PRICKLE1: variants seen among roughly 807,000 people sequenced by gnomAD.
PRICKLE1 encodes the protein prickle planar cell polarity protein 1.
PRICKLE1 carries 14 observed loss-of-function variants against 70.2 expected under a neutral mutation model. The observed-to-expected ratio is 0.20, with a 90% confidence interval of 0.13 to 0.31. PRICKLE1 has a LOEUF of 0.31. Among genes scored for constraint, PRICKLE1 ranks in the 10% least tolerant of loss-of-function variants. PRICKLE1 has a pLI of 1.00. For missense variants in PRICKLE1, 821 were observed against 1,026.2 expected (o/e 0.80, Z 2.73); for synonymous variants, 357 against 379.9 (o/e 0.94, Z 0.70).
intron 1 of PRICKLE1, among the ~76,000 whole-genome samples, chr12:42,546,847 G>A (rs1416945833): frequency 1.3e-5 from 2 of 152,208 alleles, no homozygotes; most frequent in Non-Finnish European, 2.9e-5. Context: ...GCTGAATTAT[G>A]CAGTTTTGTG....
In PRICKLE1 at chr12:42,466,236, A is replaced by C; in HGVS notation, c.733T>G (p.Ser245Ala). Reference sequence around the variant, plus strand: ...GTTTCACAGTACTCCGCATAGAGAGACTCAAAACAGCCACAGCAGAAGGGG... The same window carrying C: ...GTTTCACAGTACTCCGCATAGAGAGCCTCAAAACAGCCACAGCAGAAGGGG... ...GRPFCCGCFE[S>A]LYAEYCETCG... The change falls in exon 6 of 8, where the codon TCT becomes GCT. Residue 245 changes from serine (S) to alanine (A), a missense_variant. Physicochemically the swap from Ser to Ala is moderately conservative, Grantham distance 99. Coordinates refer to ENST00000345127, the MANE Select transcript of PRICKLE1 (RefSeq NM_153026.3). 1 of 1,614,154 alleles carries C rather than the reference A, an allele frequency of 6.2e-7. No homozygotes were observed. Among genetic ancestry groups the C allele is most frequent in the Non-Finnish European group, 8.5e-7 (1 of 1,180,032 alleles).
At chr12:42,503,881 A>T (rs1215004860) in intron 1 of PRICKLE1, among the ~76,000 whole-genome samples, 1 of 152,158 alleles carries the variant, frequency 6.6e-6, no homozygotes, top group East Asian at 1.9e-4. Context: ...CCCATCATGA[A>T]TCTGCCTATA....
At chr12:42,514,752 G>A (rs945427985) in intron 1 of PRICKLE1, among the ~76,000 whole-genome samples, 5 of 151,752 alleles carry the variant, frequency 3.3e-5, no homozygotes, top group African/African-American at 1.2e-4. Context: ...GTCCTAAAAG[G>A]CTTGTTTTGA....
intron 1 of PRICKLE1, among the ~76,000 whole-genome samples, chr12:42,577,337 AC>A (rs1402435271): frequency 6.6e-6 from 1 of 152,086 alleles, no homozygotes; most frequent in African/African-American, 2.4e-5. Flanking sequence ...TCTAAGGTAA[AC>A]TATAAACCAG....
At chr12:42,479,622 G>C (rs1261218586) in intron 1 of PRICKLE1, among the ~76,000 whole-genome samples, 1 of 152,088 alleles carries the variant, frequency 6.6e-6, no homozygotes, top group Non-Finnish European at 1.5e-5. Flanking sequence ...ATGCCAAAAG[G>C]AGCCAACTGA....
At position 42,467,160 on chromosome 12, in the gene PRICKLE1, C is replaced by G. The variant is rs181329836; in HGVS notation, c.589-780G>C. On this transcript the variant is annotated intron_variant, in intron 5 of 7. Transcript: ENST00000345127. ...GAGACAGAGTCTCGCTCTGTCACCA[C>G]GCTGGAGTGCAATGGCGTGACCTCG... Among the ~76,000 whole-genome samples the G allele has an allele frequency of 8.2e-4, 125 of 151,952 alleles. 1 individual carries two copies. The highest frequency in any genetic ancestry group is 2.9e-3 in the African/African-American group (120 of 41,450).
rs1394787819 is a variant in PRICKLE1, at chr12:42,460,443, C to T, written c.1862G>A (p.Arg621Lys). Residue 621 changes from arginine to lysine, a missense_variant, in exon 8 of 8, where the codon AGG becomes AAG. Transcript: ENST00000345127. Reference protein sequence around the residue: ...EKPVHLPVLRRSKSQSRPQQV... With the variant: ...EKPVHLPVLRKSKSQSRPQQV... ...CTGGGGTCTGGATTGAGACTTGGAC[C>T]TTCTGAGCACTGGCAGATGTACTGG... 6.2e-7 allele frequency: 1 copy of T among 1,614,044 alleles called. No individual in the cohort carries two copies. The highest frequency in any genetic ancestry group is 1.7e-5 in the Admixed American group (1 of 60,008).
At chr12:42,534,512 A>G (rs1318302120) in intron 1 of PRICKLE1, among the ~76,000 whole-genome samples, 2 of 152,218 alleles carry the variant, frequency 1.3e-5, no homozygotes, top group Non-Finnish European at 2.9e-5. Flanking sequence ...AAAATGCATT[A>G]AGCACTTTTG....
intron 1 of PRICKLE1, among the ~76,000 whole-genome samples, chr12:42,533,833 T>C (rs1939968292): frequency 6.6e-6 from 1 of 152,166 alleles, no homozygotes; most frequent in African/African-American, 2.4e-5. Flanking sequence ...TCTGACACTC[T>C]TCATCTTGTG....
rs886049380 is a variant in PRICKLE1, at chr12:42,589,692, C to CGGG, written c.-279_-277dup. The CGGG allele has an allele frequency of 5.9e-5, 9 of 151,294 alleles. No homozygotes were observed. Among genetic ancestry groups the CGGG allele is most frequent in the Non-Finnish European group, 1.0e-4 (7 of 67,742 alleles). 9.4% of individuals were successfully genotyped at this position (151,294 alleles called of 1,614,324 possible). On this transcript the variant is annotated 5_prime_UTR_variant, in exon 1 of 8. Coordinates refer to ENST00000345127, the MANE Select transcript of PRICKLE1 (RefSeq NM_153026.3). The surrounding 1 kb of genome is among the most constrained non-coding windows in gnomAD (Gnocchi z 5.0). ...GGCTGGCATGTTCCGGGCGCGCTGT[C>CGGG]GGGCGGCGGCGGCCGCGGGAGACGG...
chr12:42,492,303 C>A (rs1308134358), intron 1 of PRICKLE1, among the ~76,000 whole-genome samples: 1 of 152,148 alleles, frequency 6.6e-6, no homozygotes, highest in Non-Finnish European at 1.5e-5. Flanking sequence ...TGCTTTGTTT[C>A]ATGAACTATG....
chr12:42,548,596 C>G (rs1364314589), intron 1 of PRICKLE1, among the ~76,000 whole-genome samples: 1 of 152,158 alleles, frequency 6.6e-6, no homozygotes, highest in East Asian at 1.9e-4. Context: ...ATAAACACTA[C>G]AGGAGTTCCG....
intron 1 of PRICKLE1, among the ~76,000 whole-genome samples, chr12:42,554,342 T>G (rs970196931): frequency 4.6e-5 from 7 of 151,908 alleles, no homozygotes; most frequent in African/African-American, 1.7e-4. Context: ...TACAAATGAC[T>G]AAAAAAAGGA....
intron 1 of PRICKLE1, among the ~76,000 whole-genome samples, chr12:42,475,764 C>T (rs1373686288): frequency 6.6e-6 from 1 of 151,974 alleles, no homozygotes; most frequent in Non-Finnish European, 1.5e-5. Flanking sequence ...AAACCATTCA[C>T]TCGCAAGTTC....
chr12:42,571,613 CG>C (rs1940714924), intron 1 of PRICKLE1, among the ~76,000 whole-genome samples: 1 of 152,190 alleles, frequency 6.6e-6, no homozygotes, highest in Non-Finnish European at 1.5e-5. Context: ...ACCTGATGGA[CG>C]GGAGCTTACG....
intron 4 of PRICKLE1, among the ~76,000 whole-genome samples, 153 bp downstream of exon 4, chr12:42,469,297 G>A (rs1938222638): frequency 6.6e-6 from 1 of 152,164 alleles, no homozygotes; most frequent in Admixed American, 6.5e-5. Context: ...TATGAAACAT[G>A]ATTTGCTATT....
At chr12:42,528,103 C>T (rs1939846790) in intron 1 of PRICKLE1, among the ~76,000 whole-genome samples, 1 of 151,902 alleles carries the variant, frequency 6.6e-6, no homozygotes, top group African/African-American at 2.4e-5. Flanking sequence ...TTATTTGAGA[C>T]AGAGTATTGC....
At chr12:42,537,001 GT>G (rs1347992211) in intron 1 of PRICKLE1, among the ~76,000 whole-genome samples, 1 of 152,168 alleles carries the variant, frequency 6.6e-6, no homozygotes, top group Non-Finnish European at 1.5e-5. Flanking sequence ...CTATAGAGTT[GT>G]TTTGGCTCCT....
intron 1 of PRICKLE1, among the ~76,000 whole-genome samples, chr12:42,477,827 G>C (rs1037457017): frequency 6.6e-6 from 1 of 152,048 alleles, no homozygotes; most frequent in African/African-American, 2.4e-5. Flanking sequence ...TTTAAAAGTA[G>C]GCTGCATTAT....
Sources: gnomAD v4.1 joint callset for allele counts (sites outside exome capture counted in the v4.1 genomes callset) on GRCh38, gnomAD v4.1.1 for gene constraint, Gnocchi (gnomAD v3.1) non-coding constraint, MANE v1.5 for transcripts, NCBI Gene and HGNC (gene_info 2026-07-23, HGNC 2026-07-21) for gene names.